PDE11A: variants seen among roughly 807,000 people sequenced by gnomAD.
The protein encoded by PDE11A is dual 3',5'-cyclic-AMP and -GMP phosphodiesterase 11A.
A neutral mutation model predicts 100.5 loss-of-function variants in PDE11A; 100 were observed. The observed-to-expected ratio is 1.00, with a 90% CI of 0.85 to 1.18. The LOEUF is 1.18. PDE11A is among the 50% of genes most tolerant of loss of function. PDE11A has a pLI of 0.00. For missense variants in PDE11A, 1,141 were observed against 1,152.6 expected, an observed-to-expected ratio of 0.99 and a Z score of 0.15; for synonymous variants, 381 against 420.8, an observed-to-expected ratio of 0.91 and a Z score of 1.16.
intron 12 of PDE11A, among the ~76,000 whole-genome samples, chr2:177,720,094 G>A (rs1363668468): frequency 6.6e-6 from 1 of 152,092 alleles, no homozygotes; most frequent in Non-Finnish European, 1.5e-5. Context: ...AGGGCTCCAT[G>A]TGCATGGACA....
At chr2:178,056,932 A>C (rs1199385038) in intron 1 of PDE11A, among the ~76,000 whole-genome samples, 5 of 152,122 alleles carry the variant, frequency 3.3e-5, no homozygotes, top group Non-Finnish European at 5.9e-5. Context: ...AATGGGGCGC[A>C]CCAGGGGAAG....
At chr2:178,022,169 T>C (rs2086421080) in intron 1 of PDE11A, among the ~76,000 whole-genome samples, 1 of 151,938 alleles carries the variant, frequency 6.6e-6, no homozygotes, top group Non-Finnish European at 1.5e-5. Context: ...TGGTTAGTGG[T>C]AGTAGGAGTG....
chr2:177,816,068 G>A (rs2083032650), intron 9 of PDE11A, among the ~76,000 whole-genome samples: 1 of 152,026 alleles, frequency 6.6e-6, no homozygotes, highest in Admixed American at 6.6e-5. Context: ...AAAATTAGTT[G>A]GGCATGGTGG....
chr2:178,094,149 A>AAATACACAC (rs745696103), intron 2 of PDE11A, among the ~76,000 whole-genome samples: 4 of 152,138 alleles, frequency 2.6e-5, no homozygotes, highest in African/African-American at 4.8e-5. Context: ...AAAGTACTGA[A>AAATACACAC]AATACACACA....
chr2:177,731,327 A>G (rs564780755), intron 10 of PDE11A, among the ~76,000 whole-genome samples: 1 of 152,288 alleles, frequency 6.6e-6, no homozygotes, highest in Non-Finnish European at 1.5e-5. Flanking sequence ...AAAAGTTTCT[A>G]TTGGAGCTTC....
intron 12 of PDE11A, 71 bp from the exon 13 acceptor site, chr2:177,711,949 A>G: frequency 1.3e-6 from 1 of 783,564 alleles, no homozygotes; most frequent in South Asian, 1.5e-5. Flanking sequence ...GGTGCTGAGC[A>G]ACAGTCAACT....
intron 5 of PDE11A, among the ~76,000 whole-genome samples, chr2:177,869,023 C>T (rs142704272): frequency 3.9e-5 from 6 of 152,338 alleles, no homozygotes; most frequent in African/African-American, 1.4e-4. Flanking sequence ...CATCAGCTCA[C>T]CTGTCATTCA....
chr2:178,097,440 T>C lies in PDE11A; in HGVS notation c.162+6862A>G, dbSNP rs538131754. Among the ~76,000 whole-genome samples, 21 of 152,104 alleles carry C rather than the reference T, an allele frequency of 1.4e-4. 1 individual carries two copies. The highest frequency in any genetic ancestry group is 3.3e-4 in the Admixed American group (5 of 15,268). On this transcript the variant is annotated intron_variant, in intron 2 of 20. Transcript: ENST00000358450. ...GAGAGAGAAGTGTGAAGGAGGAAAT[T>C]CCAAACACTCATAAAACCATCAGAT...
chr2:178,003,998 A>T (rs1288715796), intron 2 of PDE11A, among the ~76,000 whole-genome samples: 1 of 152,210 alleles, frequency 6.6e-6, no homozygotes. Context: ...GTATAAGTAC[A>T]TGGTGGAAAA....
At chr2:177,993,102 G>C (rs2086023796) in intron 2 of PDE11A, among the ~76,000 whole-genome samples, 1 of 152,186 alleles carries the variant, frequency 6.6e-6, no homozygotes, top group Non-Finnish European at 1.5e-5. Context: ...CATAAAATGG[G>C]GCTACCATTG....
At chr2:177,934,687 C>T (rs1367960283) in intron 2 of PDE11A, among the ~76,000 whole-genome samples, 1 of 152,184 alleles carries the variant, frequency 6.6e-6, no homozygotes, top group Admixed American at 6.5e-5. Flanking sequence ...CATGCATTTG[C>T]ATGTTCATCA....
At chr2:177,830,788 A>G (rs2083296726) in intron 6 of PDE11A, among the ~76,000 whole-genome samples, 1 of 151,918 alleles carries the variant, frequency 6.6e-6, no homozygotes, top group Admixed American at 6.5e-5. Flanking sequence ...TGATAAAGCT[A>G]CAAAACCTAA....
At chr2:178,004,951 T>C (rs2105820354) in intron 2 of PDE11A, among the ~76,000 whole-genome samples, 1 of 152,224 alleles carries the variant, frequency 6.6e-6, no homozygotes, top group African/African-American at 2.4e-5. Context: ...AAAAGTTACT[T>C]AAGGTGAACA....
intron 9 of PDE11A, among the ~76,000 whole-genome samples, chr2:177,775,065 G>A (rs1284743525): frequency 2.0e-5 from 3 of 152,144 alleles, no homozygotes; most frequent in Non-Finnish European, 4.4e-5. Context: ...AAGGGGCCAC[G>A]AGCACAGAAT....
At chr2:177,833,460 C>T (rs191113925) in intron 6 of PDE11A, among the ~76,000 whole-genome samples, 350 of 152,304 alleles carry the variant, frequency 2.3e-3, no homozygotes, top group African/African-American at 7.6e-3. Flanking sequence ...CCCTCAGCAG[C>T]TGATGCTCTC....
intron 2 of PDE11A, among the ~76,000 whole-genome samples, chr2:177,986,933 C>T (rs1250736993): frequency 6.6e-6 from 1 of 151,832 alleles, no homozygotes; most frequent in Non-Finnish European, 1.5e-5. Flanking sequence ...GGTGTTCAGC[C>T]ATACATAAAA....
At chr2:178,029,351 C>T (rs2086516816) in intron 1 of PDE11A, among the ~76,000 whole-genome samples, 1 of 151,922 alleles carries the variant, frequency 6.6e-6, no homozygotes, top group Non-Finnish European at 1.5e-5. Flanking sequence ...CTAGTGAAAT[C>T]AAATATTTAA....
chr2:177,743,814 C>T (rs2081909236), intron 10 of PDE11A, among the ~76,000 whole-genome samples: 1 of 152,058 alleles, frequency 6.6e-6, no homozygotes, highest in Admixed American at 6.5e-5. Flanking sequence ...CTCTAACACC[C>T]AGAAATCAGG....
intron 2 of PDE11A, among the ~76,000 whole-genome samples, chr2:178,009,011 A>G (rs1392853805): frequency 6.6e-6 from 1 of 152,218 alleles, no homozygotes; most frequent in African/African-American, 2.4e-5. Context: ...AACATATCAT[A>G]CTTTATGGAA....
Sources: gnomAD v4.1 joint callset for allele counts (sites outside exome capture counted in the v4.1 genomes callset) on GRCh38, gnomAD v4.1.1 for gene constraint, MANE v1.5 for transcripts, NCBI Gene and HGNC (gene_info 2026-07-23, HGNC 2026-07-21) for gene names.